EPB41L5: variants seen among roughly 807,000 people sequenced by gnomAD.
EPB41L5 encodes the protein erythrocyte membrane protein band 4.1 like 5.
EPB41L5 carries 55 observed loss-of-function variants against 106.6 expected under a neutral mutation model. The observed-to-expected ratio is 0.52, with a 90% CI of 0.42 to 0.65. The LOEUF is 0.65. Ranked by LOEUF, EPB41L5 falls within the 30% of genes least tolerant of loss-of-function variation. The pLI, the probability that EPB41L5 is intolerant of heterozygous loss-of-function variation, is 0.00. For synonymous variants in EPB41L5, 297 were observed against 306.7 expected, an observed-to-expected ratio of 0.97 and a Z score of 0.33; for missense variants, 871 against 882.1, an observed-to-expected ratio of 0.99 and a Z score of 0.16.
intron 2 of EPB41L5, among the ~76,000 whole-genome samples, chr2:120,037,468 T>G (rs1679114688): frequency 6.6e-6 from 1 of 152,036 alleles, no homozygotes; most frequent in South Asian, 2.1e-4. Flanking sequence ...AAGAAGAAAG[T>G]TAGAGGACTC....
At chr2:120,104,115 G>T (rs1684308291) in intron 16 of EPB41L5, 1 of 1,535,792 alleles carries the variant, frequency 6.5e-7, no homozygotes, top group African/African-American at 1.4e-5. Flanking sequence ...GAACACAAGG[G>T]CCTTGCCCCC....
At chr2:120,136,737 C>G (rs1274367272) in intron 18 of EPB41L5, among the ~76,000 whole-genome samples, 4 of 151,764 alleles carry the variant, frequency 2.6e-5, no homozygotes, top group African/African-American at 9.7e-5. Context: ...ACTGGAGTAC[C>G]CAGATATGTA....
intron 20 of EPB41L5, among the ~76,000 whole-genome samples, chr2:120,146,916 C>T (rs1281140947): frequency 6.6e-6 from 1 of 152,132 alleles, no homozygotes; most frequent in African/African-American, 2.4e-5. Context: ...TAATCATATT[C>T]AGTTCCAGAT....
Position 120,176,144 on chromosome 2 carries a change from A to G in EPB41L5, c.*1237A>G, listed in dbSNP as rs969566879. The G allele has an allele frequency of 1.3e-5, 2 of 152,682 alleles. No homozygotes were observed. The highest frequency in any genetic ancestry group is 4.8e-5 in the African/African-American group (2 of 41,468). The allele number at this position is 152,682 out of a possible 1,614,324, so 9.5% of individuals were successfully genotyped here. On this transcript the variant is annotated 3_prime_UTR_variant, in exon 25 of 25. Coordinates refer to ENST00000263713, the MANE Select transcript of EPB41L5 (RefSeq NM_020909.4). ...GTCCATCTGTAATTCTAATACCCAG[A>G]AATAACGCTATTTAGCTTTATAATT...
At chr2:120,174,063 C>T (rs1396211617) in intron 24 of EPB41L5, among the ~76,000 whole-genome samples, 2 of 152,200 alleles carry the variant, frequency 1.3e-5, no homozygotes, top group Admixed American at 6.5e-5. Flanking sequence ...CAGAAATTCA[C>T]GAGCCCTCAT....
At chr2:120,073,989 A>T (rs1682056917) in intron 4 of EPB41L5, 111 bp from the exon 5 acceptor site, 4 of 783,096 alleles carry the variant, frequency 5.1e-6, no homozygotes, top group Non-Finnish European at 8.2e-6. Flanking sequence ...ATAATGCCAT[A>T]AAAACCTCAT....
chr2:120,117,344 A>G (rs1176080749), intron 16 of EPB41L5, among the ~76,000 whole-genome samples: 2 of 152,176 alleles, frequency 1.3e-5, no homozygotes, highest in African/African-American at 4.8e-5. Context: ...GACATTTAGT[A>G]TTTCTTCATG....
chr2:120,075,501 CAA>C lies in EPB41L5; in HGVS notation c.434_435del (p.Gln145ArgfsTer12). The C allele has an allele frequency of 5.2e-6, 8 of 1,535,968 alleles. No homozygotes were observed. The highest frequency in any genetic ancestry group is 7.1e-6 in the Non-Finnish European group (8 of 1,122,678). Reference sequence around the variant, plus strand: ...GTATTTATTTGTTCTTCAGTTAAAACAAGATATTCTCAGTGGAAAGTGAGTAT... The same window carrying C: ...GTATTTATTTGTTCTTCAGTTAAAACGATATTCTCAGTGGAAAGTGAGTAT... ...TRYLFVLQLK[Q>X]DILSGKLDCP... On this transcript the variant is annotated frameshift_variant, in exon 6 of 25. Transcript: ENST00000263713. LOFTEE classifies it high-confidence loss of function.
intron 3 of EPB41L5, among the ~76,000 whole-genome samples, 183 bp from the exon 4 acceptor site, chr2:120,072,995 A>G (rs531653368): frequency 2.0e-5 from 3 of 150,732 alleles, no homozygotes; most frequent in Non-Finnish European, 2.9e-5. Flanking sequence ...TAAGCTTGCT[A>G]TGGTGGATAT....
intron 2 of EPB41L5, among the ~76,000 whole-genome samples, chr2:120,041,246 G>T (rs952003581): frequency 6.6e-6 from 1 of 152,104 alleles, no homozygotes; most frequent in Non-Finnish European, 1.5e-5. Flanking sequence ...TTAATAGAAG[G>T]TACTTGGATT....
intron 20 of EPB41L5, among the ~76,000 whole-genome samples, chr2:120,150,751 A>G (rs1007226142): frequency 3.9e-5 from 6 of 152,086 alleles, no homozygotes; most frequent in Non-Finnish European, 5.9e-5. Flanking sequence ...TTGAATATCA[A>G]TTCTTAATAC....
intron 16 of EPB41L5, among the ~76,000 whole-genome samples, chr2:120,123,874 TCTCAAACTCCTGGA>T (rs1685342466): frequency 6.6e-6 from 1 of 151,904 alleles, no homozygotes; most frequent in South Asian, 2.1e-4. Flanking sequence ...CCCAGGCTGG[TCTCAAACTCCTGGA>T]CTCCAGCAAT....
chr2:120,084,605 G>A (rs937419790), intron 10 of EPB41L5, among the ~76,000 whole-genome samples: 2 of 152,088 alleles, frequency 1.3e-5, no homozygotes, highest in African/African-American at 2.4e-5. Context: ...CATGTGTCTT[G>A]GAGTTGCTCT....
chr2:120,042,597 A>G (rs1299932252), intron 3 of EPB41L5, among the ~76,000 whole-genome samples: 1 of 152,216 alleles, frequency 6.6e-6, no homozygotes, highest in Non-Finnish European at 1.5e-5. Flanking sequence ...AGAACAGCAT[A>G]CATAATGGAG....
chr2:120,163,897 A>G (rs1304004424), intron 21 of EPB41L5, among the ~76,000 whole-genome samples: 1 of 149,806 alleles, frequency 6.7e-6, no homozygotes, highest in Non-Finnish European at 1.5e-5. Flanking sequence ...GGCTGCGGTG[A>G]GTTATGCTTG....
intron 2 of EPB41L5, among the ~76,000 whole-genome samples, chr2:120,032,509 T>G (rs541714340): frequency 8.4e-6 from 1 of 119,098 alleles, no homozygotes; most frequent in South Asian, 3.2e-4. Context: ...GAGGAATGAT[T>G]AAAGGATTTT....
At chr2:120,021,845 C>T (rs534318713) in intron 2 of EPB41L5, among the ~76,000 whole-genome samples, 1 of 152,220 alleles carries the variant, frequency 6.6e-6, no homozygotes, top group East Asian at 1.9e-4. Context: ...AACCAGTCTA[C>T]TGTGATTCTG....
At chr2:120,115,826 C>T (rs1334400786) in intron 16 of EPB41L5, among the ~76,000 whole-genome samples, 2 of 151,200 alleles carry the variant, frequency 1.3e-5, no homozygotes, top group African/African-American at 2.4e-5. Flanking sequence ...TGTTATTTTT[C>T]GAGACAAGAG....
At chr2:120,059,483 T>C (rs1574558434) in intron 3 of EPB41L5, among the ~76,000 whole-genome samples, 1 of 152,232 alleles carries the variant, frequency 6.6e-6, no homozygotes, top group East Asian at 1.9e-4. Context: ...TAAAATGGAC[T>C]TCATAAAAAA....
Sources: allele counts gnomAD v4.1 joint callset (sites outside exome capture counted in the v4.1 genomes callset), GRCh38; gene constraint gnomAD v4.1.1; transcripts MANE v1.5; gene names NCBI Gene and HGNC (gene_info 2026-07-23, HGNC 2026-07-21).